Variants in NFXL1 observed in about 807,000 individuals in gnomAD.
The protein encoded by NFXL1 is NF-X1-type zinc finger protein NFXL1.
Under a neutral mutation model 123.3 loss-of-function variants are expected in NFXL1, and 66 were observed. That is an observed-to-expected ratio of 0.54 (90% CI 0.44 to 0.66). The LOEUF (loss-of-function observed/expected upper bound fraction) is 0.66, where lower values mean the gene tolerates loss of function less well. Among genes scored for constraint, NFXL1 ranks in the 30% least tolerant of loss-of-function variants. The probability of loss-of-function intolerance (pLI) is 0.00; values close to 1 mark genes in which losing one functional copy is unlikely to be tolerated. For missense variants in NFXL1, 944 were observed against 1,125.6 expected (o/e 0.84, Z 2.31); for synonymous variants, 346 against 360.8 (o/e 0.96, Z 0.46).
chr4:47,890,694 C>G lies in NFXL1; in HGVS notation c.1462G>C (p.Gly488Arg), dbSNP rs769753350. 2.5e-6 allele frequency: 4 copies of G among 1,601,032 alleles called. No homozygotes were observed. Among genetic ancestry groups the G allele is most frequent in the South Asian group, 2.2e-5 (2 of 90,772 alleles). Reference protein sequence around the residue: ...KHQCRRKCCPGNCPPCDQNCG... With the variant: ...KHQCRRKCCPRNCPPCDQNCG... ...TTTTGATCACAAGGTGGACAGTTTC[C>G]AGGGCAACACTGAAGAGAAAGCAAT... Residue 488 changes from glycine (G) to arginine (R), a missense_variant, in exon 12 of 23, where the codon GGA (glycine) becomes CGA (arginine). Physicochemically the swap from Gly to Arg is moderately radical, Grantham distance 125. Transcript: ENST00000507489.
intron 10 of NFXL1, 93 bp downstream of exon 10, chr4:47,896,429 GA>G (rs1737088991): frequency 1.0e-6 from 1 of 965,300 alleles, no homozygotes; most frequent in Non-Finnish European, 1.6e-6. Context: ...AGATGTATAT[GA>G]AAATAAGTAA....
At chr4:47,894,438 C>A in intron 10 of NFXL1, 136 bp from the exon 11 acceptor site, 1 of 506,590 alleles carries the variant, frequency 2.0e-6, no homozygotes. Context: ...TTACCAAAAA[C>A]CAATTTGAAT....
chr4:47,914,608 C>T (rs1738026645), upstream of NFXL1: 2 of 168,254 alleles, frequency 1.2e-5, no homozygotes, highest in Non-Finnish European at 2.5e-5. Flanking sequence ...GCTACGTCTC[C>T]TTACCGACTG....
chr4:47,886,002 GA>G lies in NFXL1; in HGVS notation c.1544-4del, dbSNP rs766308642. ...TTCTGGGCAGGGATAGCAACTGCCT[GA>G]AAAAAAAGTCTGACAATTAAAAAGT... is the stretch of plus-strand genomic sequence containing the variant. On this transcript the variant is annotated splice_polypyrimidine_tract_variant and splice_region_variant and intron_variant, in intron 12 of 22. Transcript: ENST00000507489. The G allele has an allele frequency of 1.8e-5, 29 of 1,591,722 alleles. No homozygotes were observed. Among genetic ancestry groups the G allele is most frequent in the Admixed American group, 3.6e-5 (2 of 55,532 alleles).
At chr4:47,905,052 A>G (rs976960194) in intron 4 of NFXL1, among the ~76,000 whole-genome samples, 185 bp downstream of exon 4, 1 of 152,202 alleles carries the variant, frequency 6.6e-6, no homozygotes, top group African/African-American at 2.4e-5. Context: ...AATACTGGAT[A>G]CTCATTTAGT....
intron 20 of NFXL1, 78 bp downstream of exon 20, chr4:47,854,981 G>T (rs1004436235): frequency 1.2e-4 from 54 of 438,054 alleles, no homozygotes; most frequent in Non-Finnish European, 1.9e-4. Context: ...AAAACACATA[G>T]ATCAAAAAAC....
chr4:47,888,841 A>G lies in NFXL1; in HGVS notation c.1543+1772T>C, dbSNP rs989759599. 4.6e-5 allele frequency among the ~76,000 whole-genome samples: 7 copies of G among 152,352 alleles called. No individual in the cohort carries two copies. In the South Asian group the frequency reaches 1.4e-3, roughly 32 times the overall value. On this transcript the variant is annotated intron_variant, in intron 12 of 22. Coordinates refer to ENST00000507489, the MANE Select transcript of NFXL1 (RefSeq NM_001278624.2). ...ACATGTCAATTTTATTAGGTTTTTG[A>G]GTCTATAAACTGATGTAAAAAATGA...
intron 19 of NFXL1, among the ~76,000 whole-genome samples, chr4:47,859,693 T>A (rs573808386): frequency 6.7e-4 from 102 of 151,172 alleles, no homozygotes; most frequent in Non-Finnish European, 1.2e-3. Flanking sequence ...ATACAAAAAA[T>A]TTGCTGGGCG....
Position 47,862,932 on chromosome 4 carries a change from T to C in NFXL1, c.2247-17A>G. 1 of 1,438,814 alleles carries C rather than the reference T, an allele frequency of 7.0e-7. No homozygotes were observed. Among genetic ancestry groups the C allele is most frequent in the South Asian group, 1.3e-5 (1 of 78,868 alleles). 89.1% of individuals were successfully genotyped at this position (1,438,814 alleles called of 1,614,324 possible). On this transcript the variant is annotated splice_polypyrimidine_tract_variant and intron_variant, in intron 18 of 22. Transcript: ENST00000507489. ...GTTATTTTTCTAAAAATAAGAAAGT[T>C]GATGACATTCAAACAAAAATCCATT... is the stretch of plus-strand genomic sequence containing the variant.
Position 47,910,807 on chromosome 4 carries a change from A to G in NFXL1, c.406+17T>C, listed in dbSNP as rs758326902. The stretch of plus-strand genomic sequence containing the variant: ...AGTTTCATTGACGTCAAAAGTCAAA[A>G]TTTAAAAGATCAGTACCTGTCTGAG... On this transcript the variant is annotated intron_variant, in intron 3 of 22. Coordinates refer to ENST00000507489, the MANE Select transcript of NFXL1 (RefSeq NM_001278624.2). The G allele has an allele frequency of 1.3e-6, 2 of 1,488,674 alleles. No individual in the cohort carries two copies. The highest frequency in any genetic ancestry group is 4.9e-5 in the Admixed American group (2 of 40,530). 92.2% of individuals were successfully genotyped at this position (1,488,674 alleles called of 1,614,324 possible).
intron 19 of NFXL1, among the ~76,000 whole-genome samples, chr4:47,862,022 A>G (rs1734797899): frequency 6.6e-6 from 1 of 152,216 alleles, no homozygotes; most frequent in Admixed American, 6.5e-5. Flanking sequence ...TCTGTAAGTC[A>G]AAAGGATTCC....
intron 10 of NFXL1, 53 bp from the exon 11 acceptor site, chr4:47,894,355 C>A: frequency 7.4e-7 from 1 of 1,353,136 alleles, no homozygotes; most frequent in Non-Finnish European, 1.0e-6. Flanking sequence ...ATATTTTTTC[C>A]TCACATTGCA....
chr4:47,849,569 A>G lies in NFXL1; in HGVS notation c.2563-1233T>C, dbSNP rs897610640. Among the ~76,000 whole-genome samples the G allele has an allele frequency of 2.6e-5, 4 of 152,324 alleles. No homozygotes were observed. In the East Asian group the frequency reaches 7.7e-4, roughly 29 times the overall value. On this transcript the variant is annotated intron_variant, in intron 22 of 22. Transcript: ENST00000507489. The stretch of plus-strand genomic sequence containing the variant: ...GTTTAATACAAAGTGGCATTCTTCA[A>G]TGAGCCAAAATGTCAGACTACTCCC...
intron 4 of NFXL1, among the ~76,000 whole-genome samples, chr4:47,904,079 A>G (rs938962894): frequency 3.9e-5 from 6 of 152,318 alleles, no homozygotes; most frequent in African/African-American, 1.4e-4. Context: ...GGTTACCCCC[A>G]AAGCGGTATC....
intron 5 of NFXL1, among the ~76,000 whole-genome samples, chr4:47,902,107 G>A (rs937521172): frequency 2.6e-5 from 4 of 151,890 alleles, no homozygotes; most frequent in African/African-American, 4.8e-5. Context: ...GCTTGAACCC[G>A]ACAAGCAGTG....
At chr4:47,881,533 C>A (rs534347701) in intron 15 of NFXL1, among the ~76,000 whole-genome samples, 1 of 152,204 alleles carries the variant, frequency 6.6e-6, no homozygotes, top group South Asian at 2.1e-4. Context: ...TAAGTATTTA[C>A]CCAAATGAGC....
At position 47,878,634 on chromosome 4, in the gene NFXL1, G is replaced by T; in HGVS notation, c.1970C>A (p.Pro657His). The T allele has an allele frequency of 1.2e-6, 2 of 1,600,702 alleles. No individual in the cohort carries two copies. Among genetic ancestry groups the T allele is most frequent in the South Asian group, 1.1e-5 (1 of 88,644 alleles). Residue 657 changes from proline (P) to histidine (H), a missense_variant, in exon 17 of 23, where the codon CCC becomes CAC. Coordinates refer to ENST00000507489, the MANE Select transcript of NFXL1 (RefSeq NM_001278624.2). Reference sequence around the variant, plus strand: ...TCCACAAACTCTTTTACAAGAGTAGGGTCCTACAGCATGGCATGGTAGTGG... The same window carrying T: ...TCCACAAACTCTTTTACAAGAGTAGTGTCCTACAGCATGGCATGGTAGTGG... ...VSPLPCHAVG[P>H]YSCKRVCGRI...
chr4:47,850,219 T>C (rs1025036048), intron 22 of NFXL1, among the ~76,000 whole-genome samples: 4 of 152,246 alleles, frequency 2.6e-5, no homozygotes, highest in South Asian at 2.1e-4. Context: ...TGATAACTTA[T>C]TTTGGGGATA....
chr4:47,907,288 G>C (rs970938909), intron 3 of NFXL1, among the ~76,000 whole-genome samples: 6 of 152,228 alleles, frequency 3.9e-5, no homozygotes, highest in African/African-American at 1.2e-4. Flanking sequence ...TGCAGTAAAT[G>C]ACATGCATAT....
Sources: gnomAD v4.1 joint callset for allele counts (sites outside exome capture counted in the v4.1 genomes callset) on GRCh38, gnomAD v4.1.1 for gene constraint, MANE v1.5 for transcripts, NCBI Gene and HGNC (gene_info 2026-07-23, HGNC 2026-07-21) for gene names.